FGF14: variants seen among roughly 807,000 people sequenced by gnomAD.
The protein encoded by FGF14 is fibroblast growth factor homologous factor 4.
A neutral mutation model predicts 25.5 loss-of-function variants in FGF14; 5 were observed. The observed-to-expected ratio is 0.20, with a 90% CI of 0.10 to 0.41. FGF14 has a LOEUF of 0.41. FGF14 is among the 10% of genes least tolerant of loss of function. FGF14 has a pLI of 1.00. For missense variants in FGF14, 222 were observed against 320.1 expected (o/e 0.69, Z 2.34); for synonymous variants, 138 against 118.3 (o/e 1.17, Z -1.08).
At chr13:102,200,898 C>T (rs1033835172) in intron 1 of FGF14, among the ~76,000 whole-genome samples, 5 of 151,698 alleles carry the variant, frequency 3.3e-5, no homozygotes, top group Non-Finnish European at 7.4e-5. Context: ...GTCGGGAGAT[C>T]GAGACCATCT....
At chr13:102,052,527 A>T (rs2042256880) in intron 1 of FGF14, among the ~76,000 whole-genome samples, 1 of 151,896 alleles carries the variant, frequency 6.6e-6, no homozygotes, top group South Asian at 2.1e-4. Context: ...TACTAAAAGT[A>T]ACAAGAGAAA....
chr13:102,110,969 G>A (rs2045195621), intron 1 of FGF14, among the ~76,000 whole-genome samples: 1 of 152,278 alleles, frequency 6.6e-6, no homozygotes, highest in African/African-American at 2.4e-5. Flanking sequence ...TCTTTATCCT[G>A]ACAGAGGCGG....
chr13:102,247,097 A>G (rs1349529854), intron 1 of FGF14, among the ~76,000 whole-genome samples: 2 of 152,118 alleles, frequency 1.3e-5, no homozygotes, highest in Non-Finnish European at 2.9e-5. Flanking sequence ...AGACGGATTA[A>G]GAATTTAAAT....
At chr13:101,976,579 C>G (rs2037940113) in intron 1 of FGF14, among the ~76,000 whole-genome samples, 1 of 152,150 alleles carries the variant, frequency 6.6e-6, no homozygotes, top group South Asian at 2.1e-4. Context: ...TTTTTCCACT[C>G]ACACCCGCCC....
intron 1 of FGF14, among the ~76,000 whole-genome samples, chr13:101,914,099 T>A (rs2139103260): frequency 6.6e-6 from 1 of 152,066 alleles, no homozygotes; most frequent in East Asian, 1.9e-4. Context: ...TAAATATGAT[T>A]TTTTAAAATT....
At position 102,223,097 on chromosome 13, in the gene FGF14, AT is replaced by A. The variant is rs201323200; in HGVS notation, c.208+178373del. ...AACCTCATTTTCTACAGTTCCAAAT[AT>A]AGGTTTCAAATTACCTAGAGAAAAA... On this transcript the variant is annotated intron_variant, in intron 1 of 4. Coordinates refer to the FGF14 transcript ENST00000376131. Among the ~76,000 whole-genome samples the A allele has an allele frequency of 2.6e-4, 40 of 152,300 alleles. No homozygotes were observed. In the East Asian group the frequency reaches 4.1e-3, roughly 15 times the overall value.
intron 3 of FGF14, among the ~76,000 whole-genome samples, chr13:101,729,375 C>T (rs923255759): frequency 2.0e-5 from 3 of 152,002 alleles, no homozygotes; most frequent in Non-Finnish European, 2.9e-5. Context: ...CCTATAGAAC[C>T]GATAGAACCA....
chr13:101,862,715 G>A (rs1161659814), intron 3 of FGF14, among the ~76,000 whole-genome samples: 1 of 152,014 alleles, frequency 6.6e-6, no homozygotes, highest in Admixed American at 6.6e-5. Flanking sequence ...TAGCATTAGG[G>A]GGAAAATTAG....
intron 1 of FGF14, among the ~76,000 whole-genome samples, chr13:102,340,744 T>C (rs2056926245): frequency 6.6e-6 from 1 of 152,214 alleles, no homozygotes; most frequent in Admixed American, 6.5e-5. Flanking sequence ...CTTATTACAG[T>C]AGCTAAAGGC....
chr13:102,186,735 C>T (rs1273098835), intron 1 of FGF14, among the ~76,000 whole-genome samples: 1 of 152,052 alleles, frequency 6.6e-6, no homozygotes, highest in South Asian at 2.1e-4. Flanking sequence ...AAGAGCGATG[C>T]CTGAGTTACA....
chr13:102,241,011 T>TG (rs2141027427), intron 1 of FGF14, among the ~76,000 whole-genome samples: 1 of 152,040 alleles, frequency 6.6e-6, no homozygotes, highest in Non-Finnish European at 1.5e-5. Flanking sequence ...TGGCAGAGGG[T>TG]GGGGGGAATA....
Position 101,875,303 on chromosome 13 carries a change from G to A in FGF14, c.194-7C>T. 6.3e-7 allele frequency: 1 copy of A among 1,578,026 alleles called. No homozygotes were observed. Among genetic ancestry groups the A allele is most frequent in the Non-Finnish European group, 8.7e-7 (1 of 1,147,346 alleles). On this transcript the variant is annotated splice_region_variant and splice_polypyrimidine_tract_variant and intron_variant, in intron 1 of 4. Coordinates refer to ENST00000376143, the MANE Select transcript of FGF14 (RefSeq NM_004115.4). ...ATACCCTTGAGCTGGGGATCTGAAA[G>A]GCAAACATAGTTATCATAAGCCTCA...
chr13:102,327,137 C>T (rs990239136), intron 1 of FGF14, among the ~76,000 whole-genome samples: 1 of 152,196 alleles, frequency 6.6e-6, no homozygotes, highest in African/African-American at 2.4e-5. Context: ...AATGGTCTAC[C>T]AGCCTACCTG....
intron 3 of FGF14, among the ~76,000 whole-genome samples, chr13:101,815,868 T>C (rs764739186): frequency 9.9e-5 from 15 of 152,222 alleles, no homozygotes; most frequent in South Asian, 2.1e-4. Context: ...GTGATGGGTA[T>C]AAGCAAGAGA....
intron 3 of FGF14, among the ~76,000 whole-genome samples, chr13:101,746,904 T>A (rs1468316779): frequency 4.6e-5 from 7 of 151,976 alleles, no homozygotes; most frequent in Admixed American, 3.3e-4. Flanking sequence ...AAACTAGCAA[T>A]AGTTACAGCA....
chr13:101,831,302 G>A (rs1464666333), intron 3 of FGF14, among the ~76,000 whole-genome samples: 1 of 151,512 alleles, frequency 6.6e-6, no homozygotes, highest in Non-Finnish European at 1.5e-5. Flanking sequence ...GGCTGGTCTT[G>A]CACTCCTGGC....
rs1443820831 is a variant in FGF14, at chr13:101,966,245, AT to A, written c.209-90950del. ...ACTGGTGTTCTTATAAAAATGGGAA[AT>A]TTAGACACAGAGAAAACACACTTAT... On this transcript the variant is annotated intron_variant, in intron 1 of 4. Coordinates refer to the FGF14 transcript ENST00000376131. Among the ~76,000 whole-genome samples, 6 of 152,338 alleles carry A rather than the reference AT, an allele frequency of 3.9e-5. No individual in the cohort carries two copies. The East Asian group carries it at 1.2e-3, about 29-fold the overall frequency.
chr13:101,941,724 A>G (rs1566469662), intron 1 of FGF14, among the ~76,000 whole-genome samples: 1 of 152,232 alleles, frequency 6.6e-6, no homozygotes, highest in Non-Finnish European at 1.5e-5. Context: ...GGTTTAACAA[A>G]TTGAAATGTC....
intron 1 of FGF14, among the ~76,000 whole-genome samples, chr13:102,305,133 A>G (rs1266894672): frequency 2.6e-5 from 4 of 152,210 alleles, no homozygotes; most frequent in African/African-American, 7.2e-5. Flanking sequence ...TATTGGATAT[A>G]TAAAACAGAT....
Sources: gnomAD v4.1 joint callset for allele counts (sites outside exome capture counted in the v4.1 genomes callset) on GRCh38, gnomAD v4.1.1 for gene constraint, MANE v1.5 for transcripts, NCBI Gene and HGNC (gene_info 2026-07-23, HGNC 2026-07-21) for gene names.